The following OTUD7A variants were observed in gnomAD, a reference collection of about 807,000 sequenced individuals.
The protein encoded by OTUD7A is OTU deubiquitinase 7A.
A neutral mutation model predicts 65.7 loss-of-function variants in OTUD7A; 12 were observed. That is an observed-to-expected ratio of 0.18 (90% confidence interval 0.12 to 0.30). The LOEUF is 0.30. Ranked by LOEUF, OTUD7A falls within the 10% of genes least tolerant of loss-of-function variation. The pLI, the probability that OTUD7A is intolerant of heterozygous loss-of-function variation, is 1.00. For synonymous variants in OTUD7A, 641 were observed against 586.3 expected (o/e 1.09, Z -1.35); for missense variants, 1,148 against 1,304.8 (o/e 0.88, Z 1.85).
intron 1 of OTUD7A, among the ~76,000 whole-genome samples, chr15:31,847,010 C>T (rs1897307951): frequency 6.6e-6 from 1 of 152,142 alleles, no homozygotes; most frequent in Non-Finnish European, 1.5e-5. Flanking sequence ...CCCTGCTAGG[C>T]AGGGCAGGGA....
At chr15:31,808,872 G>A (rs554210559) in intron 1 of OTUD7A, among the ~76,000 whole-genome samples, 41 of 152,356 alleles carry the variant, frequency 2.7e-4, no homozygotes, top group Admixed American at 7.2e-4. Flanking sequence ...TTCAGGCTGC[G>A]CAGGCCCCAC....
At chr15:31,507,913 A>T (rs2041606994) in intron 8 of OTUD7A, among the ~76,000 whole-genome samples, 1 of 152,218 alleles carries the variant, frequency 6.6e-6, no homozygotes, top group African/African-American at 2.4e-5. Context: ...GTAGGAGCAG[A>T]AAATTGGCGT....
At chr15:31,768,189 C>G in intron 1 of OTUD7A, 1 of 1,258,528 alleles carries the variant, frequency 7.9e-7, no homozygotes, top group East Asian at 2.3e-5. Flanking sequence ...GGAGGCACAA[C>G]CCGACTCTCC....
chr15:31,752,169 C>T (rs922341593), intron 1 of OTUD7A, among the ~76,000 whole-genome samples: 1 of 151,840 alleles, frequency 6.6e-6, no homozygotes, highest in African/African-American at 2.4e-5. Context: ...TTGAATCAAA[C>T]AAGAAAGAAA....
chr15:31,503,652 C>T (rs1231070713), intron 9 of OTUD7A, 39 bp downstream of exon 9: 1 of 1,613,212 alleles, frequency 6.2e-7, no homozygotes, highest in South Asian at 1.1e-5. Flanking sequence ...GCTATGCTTT[C>T]TGTGTCATGA....
chr15:31,584,244 C>A (rs1325284549), intron 3 of OTUD7A, among the ~76,000 whole-genome samples: 2 of 152,174 alleles, frequency 1.3e-5, no homozygotes, highest in African/African-American at 4.8e-5. Flanking sequence ...ATCCAAAGAG[C>A]CAGACCTTTC....
At chr15:31,833,495 T>G (rs1896984206) in intron 1 of OTUD7A, among the ~76,000 whole-genome samples, 1 of 152,264 alleles carries the variant, frequency 6.6e-6, no homozygotes, top group Non-Finnish European at 1.5e-5. Flanking sequence ...TGCAGAAACA[T>G]TCTCACGAAT....
intron 3 of OTUD7A, among the ~76,000 whole-genome samples, chr15:31,617,812 G>A (rs1378359242): frequency 6.6e-6 from 1 of 151,716 alleles, no homozygotes; most frequent in Non-Finnish European, 1.5e-5. Flanking sequence ...AAGTTCTAGG[G>A]TACATGTGCA....
At position 31,767,230 on chromosome 15, in the gene OTUD7A, G is replaced by C. The variant is rs555238256; in HGVS notation, c.-100+103277C>G. Reference sequence around the variant, plus strand: ...GACTGGGGATCATCTTGGATTTTATGTATCCCACTGGATCTATCTGAAACT... The same window carrying C: ...GACTGGGGATCATCTTGGATTTTATCTATCCCACTGGATCTATCTGAAACT... On this transcript the variant is annotated intron_variant, in intron 1 of 12. Coordinates refer to ENST00000307050, the MANE Select transcript of OTUD7A (RefSeq NM_001382637.1). 3.2e-6 allele frequency: 3 copies of C among 938,162 alleles called. No homozygotes were observed. The Admixed American group carries it at 5.9e-5, about 18-fold the overall frequency. The allele number at this position is 938,162 out of a possible 1,614,324, so 58.1% of individuals were successfully genotyped here. A position where few individuals can be genotyped will look rare whatever the true frequency, so the allele number is the denominator to read the frequency against.
chr15:31,627,194 C>T (rs1890986155), intron 3 of OTUD7A, among the ~76,000 whole-genome samples: 1 of 151,404 alleles, frequency 6.6e-6, no homozygotes, highest in African/African-American at 2.4e-5. Flanking sequence ...CACCCATTAA[C>T]TCGTCATTTA....
chr15:31,625,742 A>C (rs2141242619), intron 3 of OTUD7A, among the ~76,000 whole-genome samples: 1 of 152,320 alleles, frequency 6.6e-6, no homozygotes, highest in East Asian at 1.9e-4. Flanking sequence ...TAGTAGCCAA[A>C]GCCAGAAACC....
chr15:31,809,322 C>T (rs898792633), intron 1 of OTUD7A, among the ~76,000 whole-genome samples: 2 of 152,176 alleles, frequency 1.3e-5, no homozygotes, highest in African/African-American at 4.8e-5. Flanking sequence ...GCTGTCTACC[C>T]AATGCCAATC....
Position 31,589,165 on chromosome 15 carries a change from G to A in OTUD7A, c.152-18968C>T, listed in dbSNP as rs577466404. On this transcript the variant is annotated intron_variant, in intron 3 of 12. Coordinates refer to ENST00000307050, the MANE Select transcript of OTUD7A (RefSeq NM_001382637.1). Reference sequence around the variant, plus strand: ...TGTGTATGTATACATATACATACACGCATATTACATCTACACACACGTGTG... The same window carrying A: ...TGTGTATGTATACATATACATACACACATATTACATCTACACACACGTGTG... Among the ~76,000 whole-genome samples, 15 of 152,076 alleles carry A rather than the reference G, an allele frequency of 9.9e-5. No individual in the cohort carries two copies. The East Asian group carries it at 1.4e-3, about 14-fold the overall frequency.
At chr15:31,685,550 T>G (rs924282705) in intron 1 of OTUD7A, among the ~76,000 whole-genome samples, 1 of 151,494 alleles carries the variant, frequency 6.6e-6, no homozygotes, top group African/African-American at 2.4e-5. Context: ...TCCCAGCTAC[T>G]AGGGAGGCTG....
At chr15:31,571,908 C>T (rs2141173915) in intron 3 of OTUD7A, among the ~76,000 whole-genome samples, 1 of 152,152 alleles carries the variant, frequency 6.6e-6, no homozygotes, top group East Asian at 1.9e-4. Context: ...TTTCACACTT[C>T]CTCTTCTGCA....
At chr15:31,682,539 C>A (rs888944259) in intron 1 of OTUD7A, among the ~76,000 whole-genome samples, 4 of 152,162 alleles carry the variant, frequency 2.6e-5, no homozygotes, top group Non-Finnish European at 4.4e-5. Flanking sequence ...AGGATAGACA[C>A]GTTTACTACT....
intron 1 of OTUD7A, among the ~76,000 whole-genome samples, chr15:31,690,326 C>T (rs1346521975): frequency 6.6e-6 from 1 of 152,004 alleles, no homozygotes; most frequent in South Asian, 2.1e-4. Flanking sequence ...TTGCATATCT[C>T]TCATTGGTCC....
At chr15:31,505,608 C>T (rs1595563017) in intron 8 of OTUD7A, among the ~76,000 whole-genome samples, 1 of 151,748 alleles carries the variant, frequency 6.6e-6, no homozygotes, top group East Asian at 1.9e-4. Flanking sequence ...AGTAATTTTT[C>T]GAATAGGGTG....
intron 4 of OTUD7A, among the ~76,000 whole-genome samples, chr15:31,564,803 T>C (rs1888812801): frequency 1.3e-5 from 2 of 152,058 alleles, no homozygotes; most frequent in Non-Finnish European, 2.9e-5. Flanking sequence ...ACATTTAACA[T>C]GAAAGGATAT....
Sources: gnomAD v4.1 joint callset for allele counts (sites outside exome capture counted in the v4.1 genomes callset) on GRCh38, gnomAD v4.1.1 for gene constraint, MANE v1.5 for transcripts, NCBI Gene and HGNC (gene_info 2026-07-23, HGNC 2026-07-21) for gene names.